The following ARHGAP15 variants were observed in gnomAD, a reference collection of about 807,000 sequenced individuals.
ARHGAP15 encodes the protein rho GTPase-activating protein 15.
Under a neutral mutation model 63.7 loss-of-function variants are expected in ARHGAP15, and 51 were observed. The ratio of observed to expected loss-of-function variants is 0.80; its 90% CI spans 0.64 to 1.01. ARHGAP15 has a LOEUF of 1.01. ARHGAP15 is among the 50% of genes least tolerant of loss of function. The probability of loss-of-function intolerance (pLI) is 0.00; values close to 1 mark genes in which losing one functional copy is unlikely to be tolerated. For missense variants in ARHGAP15, 560 were observed against 564.6 expected, an observed-to-expected ratio of 0.99 and a Z score of 0.08; for synonymous variants, 191 against 193.8, an observed-to-expected ratio of 0.99 and a Z score of 0.12.
intron 6 of ARHGAP15, among the ~76,000 whole-genome samples, chr2:143,289,703 C>T (rs1199766914): frequency 6.6e-6 from 1 of 152,118 alleles, no homozygotes; most frequent in Non-Finnish European, 1.5e-5. Context: ...AGTAAAGAAA[C>T]CTTAAATCTG....
intron 12 of ARHGAP15, among the ~76,000 whole-genome samples, chr2:143,668,275 ATTTTCT>A (rs1682335065): frequency 7.1e-6 from 1 of 140,230 alleles, no homozygotes; most frequent in Non-Finnish European, 1.6e-5. Flanking sequence ...CCTTGATTCT[ATTTTCT>A]TTTTTTTTTT....
intron 1 of ARHGAP15, among the ~76,000 whole-genome samples, chr2:143,136,007 G>A (rs6430004): frequency 0.35 from 53,157 of 152,008 alleles, 11,105 homozygotes; most frequent in African/African-American, 0.59. Context: ...AGACATCAAA[G>A]TGAGTATACA....
intron 11 of ARHGAP15, among the ~76,000 whole-genome samples, chr2:143,592,119 C>A (rs1697344922): frequency 6.6e-6 from 1 of 151,966 alleles, no homozygotes; most frequent in South Asian, 2.1e-4. Context: ...TCATTTTTTT[C>A]TGCCAATCCT....
chr2:143,170,943 A>T (rs1690752578), intron 2 of ARHGAP15, among the ~76,000 whole-genome samples: 1 of 152,164 alleles, frequency 6.6e-6, no homozygotes, highest in African/African-American at 2.4e-5. Context: ...GAAAATAAGC[A>T]TTTAATTTTT....
intron 12 of ARHGAP15, among the ~76,000 whole-genome samples, chr2:143,662,433 G>C (rs570217405): frequency 6.9e-6 from 1 of 144,154 alleles, no homozygotes; most frequent in African/African-American, 2.5e-5. Context: ...CATCATCAAA[G>C]ACCAAAAGTA....
chr2:143,755,792 G>T (rs1574931810), intron 13 of ARHGAP15, among the ~76,000 whole-genome samples: 2 of 152,196 alleles, frequency 1.3e-5, no homozygotes, highest in Admixed American at 1.3e-4. Context: ...CCAACATGGT[G>T]AAACCCTGTC....
intron 6 of ARHGAP15, among the ~76,000 whole-genome samples, chr2:143,398,360 G>A (rs973113158): frequency 2.0e-5 from 3 of 152,102 alleles, no homozygotes; most frequent in Non-Finnish European, 4.4e-5. Context: ...TTGAGCTTTT[G>A]TAGTTGCTAA....
Position 143,656,934 on chromosome 2 carries a change from GGTGTGTGTGTGTGT to G in ARHGAP15, c.1138+32694_1138+32707del, listed in dbSNP as rs5834961. ...ACAAGGTTTCTAAGACAAAGTTTCT[GGTGTGTGTGTGTGT>G]GTGTGTGTGTGTGTGTGTGTGTGTG... On this transcript the variant is annotated intron_variant, in intron 12 of 13. Transcript: ENST00000295095. 1.6e-4 allele frequency among the ~76,000 whole-genome samples: 23 copies of G among 145,028 alleles called. No individual in the cohort carries two copies. In the South Asian group the frequency reaches 2.5e-3, roughly 16 times the overall value.
intron 2 of ARHGAP15, among the ~76,000 whole-genome samples, chr2:143,178,485 A>G (rs1691096410): frequency 6.6e-6 from 1 of 152,218 alleles, no homozygotes; most frequent in Admixed American, 6.5e-5. Flanking sequence ...AGTGACATAT[A>G]AATGTTCATG....
In ARHGAP15 at chr2:143,411,834, A is replaced by C. The variant is rs189106269; in HGVS notation, c.475-23767A>C. ...GAGAAAGTAATAGCAAGTAGTGAGAAAGTATATACTCTCTTACCTTTTATA... is the reference window on the plus strand; with the variant it reads ...GAGAAAGTAATAGCAAGTAGTGAGACAGTATATACTCTCTTACCTTTTATA... On this transcript the variant is annotated intron_variant, in intron 6 of 13. Transcript: ENST00000295095. Among the ~76,000 whole-genome samples, 530 of 152,354 alleles carry C rather than the reference A, an allele frequency of 3.5e-3. 4 individuals are homozygous for C. The highest frequency in any genetic ancestry group is 0.012 in the South Asian group (57 of 4,830).
At chr2:143,291,294 T>C (rs914432648) in intron 6 of ARHGAP15, among the ~76,000 whole-genome samples, 2 of 152,004 alleles carry the variant, frequency 1.3e-5, no homozygotes, top group Non-Finnish European at 2.9e-5. Context: ...GGGATGACAA[T>C]GAATATGATG....
intron 11 of ARHGAP15, among the ~76,000 whole-genome samples, chr2:143,576,252 A>G (rs10191366): frequency 0.31 from 46,351 of 151,958 alleles, 8,342 homozygotes; most frequent in African/African-American, 0.51. Context: ...TGTGCCTGAG[A>G]TGCCACAATT....
At chr2:143,538,241 C>A (rs893745476) in intron 10 of ARHGAP15, among the ~76,000 whole-genome samples, 1 of 152,150 alleles carries the variant, frequency 6.6e-6, no homozygotes. Flanking sequence ...TATCCTGAGA[C>A]TTTGCTGAAG....
intron 8 of ARHGAP15, among the ~76,000 whole-genome samples, chr2:143,443,345 AG>A (rs1173651111): frequency 2.0e-5 from 3 of 152,120 alleles, no homozygotes; most frequent in Admixed American, 2.0e-4. Context: ...AAAACAAAAA[AG>A]TCGTGACATT....
At chr2:143,556,328 A>C in intron 10 of ARHGAP15, 80 bp from the exon 11 acceptor site, 1 of 1,048,920 alleles carries the variant, frequency 9.5e-7, no homozygotes, top group Non-Finnish European at 1.4e-6. Context: ...TATTTGATTT[A>C]CTCCTTCTTT....
At chr2:143,539,652 A>G (rs944244418) in intron 10 of ARHGAP15, among the ~76,000 whole-genome samples, 8 of 152,188 alleles carry the variant, frequency 5.3e-5, no homozygotes, top group African/African-American at 1.7e-4. Context: ...GTAGTCATTC[A>G]GGAGCAGGTT....
chr2:143,258,768 C>T (rs181866801), intron 6 of ARHGAP15, among the ~76,000 whole-genome samples: 12 of 152,186 alleles, frequency 7.9e-5, no homozygotes, highest in Admixed American at 1.3e-4. Context: ...GAGAGGTGTT[C>T]ACATGGAGGG....
chr2:143,487,362 T>A lies in ARHGAP15; in HGVS notation c.704-11T>A, dbSNP rs781497016. On this transcript the variant is annotated splice_polypyrimidine_tract_variant and intron_variant, in intron 8 of 13. Transcript: ENST00000295095. Reference sequence around the variant, plus strand: ...ATTTACCAAAAGCCTCTGATTTTTTTAAATCTTCAGTGTTCAGACTGCATC... The same window carrying A: ...ATTTACCAAAAGCCTCTGATTTTTTAAAATCTTCAGTGTTCAGACTGCATC... 10 of 1,589,348 alleles carry A rather than the reference T, an allele frequency of 6.3e-6. No individual in the cohort carries two copies. Among genetic ancestry groups the A allele is most frequent in the Non-Finnish European group, 8.5e-6 (10 of 1,173,098 alleles).
At chr2:143,436,278 T>A (rs1689609022) in intron 7 of ARHGAP15, among the ~76,000 whole-genome samples, 1 of 152,202 alleles carries the variant, frequency 6.6e-6, no homozygotes, top group South Asian at 2.1e-4. Flanking sequence ...TTTAATTTTA[T>A]GACACTAATA....
Sources: gnomAD v4.1 joint callset for allele counts (sites outside exome capture counted in the v4.1 genomes callset) on GRCh38, gnomAD v4.1.1 for gene constraint, MANE v1.5 for transcripts, NCBI Gene and HGNC (gene_info 2026-07-23, HGNC 2026-07-21) for gene names.